Variants in LTBP1 observed in about 807,000 individuals in gnomAD.
LTBP1 encodes the protein latent transforming growth factor beta binding protein 1, also known as latent-transforming growth factor beta-binding protein 1.
Under a neutral mutation model 207.6 loss-of-function variants are expected in LTBP1, and 129 were observed. The ratio of observed to expected loss-of-function variants is 0.62; its 90% CI spans 0.54 to 0.72. LTBP1 has a LOEUF of 0.72. Ranked by LOEUF, LTBP1 falls within the 30% of genes least tolerant of loss-of-function variation. The probability of loss-of-function intolerance (pLI) is 0.00; values close to 1 mark genes in which losing one functional copy is unlikely to be tolerated. For missense variants in LTBP1, 2,281 were observed against 2,217.2 expected (o/e 1.03, Z -0.58); for synonymous variants, 963 against 833.7 (o/e 1.16, Z -2.67).
At chr2:33,082,432 CTTTTTTTTTTT>C (rs56058653) in intron 3 of LTBP1, among the ~76,000 whole-genome samples, 11 of 29,322 alleles carry the variant, frequency 3.8e-4, no homozygotes, top group South Asian at 1.1e-3. Context: ...GTATGACTCA[CTTTTTTTTTTT>C]TTTTTTTTTT....
intron 5 of LTBP1, among the ~76,000 whole-genome samples, chr2:33,183,445 C>T (rs1172927408): frequency 6.6e-6 from 1 of 152,110 alleles, no homozygotes. Flanking sequence ...GGTCATTGGT[C>T]GTGATACACA....
At chr2:33,251,700 A>G (rs747669309) in intron 10 of LTBP1, among the ~76,000 whole-genome samples, 2 of 149,634 alleles carry the variant, frequency 1.3e-5, no homozygotes, top group East Asian at 2.0e-4. Flanking sequence ...TGCTAGAGGA[A>G]TTGGGTAAGG....
rs2094329921 is a variant in LTBP1, at chr2:33,319,963, T to A, written c.3730+4694T>A. On this transcript the variant is annotated intron_variant, in intron 24 of 33. Transcript: ENST00000404816. The stretch of plus-strand genomic sequence containing the variant: ...TCGTTTGACAGATATTTATTAAGTG[T>A]CTACCTGTGTGCCATCCACTGTTCT... Among the ~76,000 whole-genome samples the A allele has an allele frequency of 2.0e-5, 3 of 152,204 alleles. No individual in the cohort carries two copies. The South Asian group carries it at 6.2e-4, about 32-fold the overall frequency.
intron 4 of LTBP1, among the ~76,000 whole-genome samples, chr2:33,123,147 GTTCCCTGA>G: frequency 6.6e-6 from 1 of 152,284 alleles, no homozygotes; most frequent in East Asian, 1.9e-4. Flanking sequence ...AGTTCCATCA[GTTCCCTGA>G]GACCCCTGCA....
chr2:33,209,483 T>C (rs2090137005), intron 7 of LTBP1, among the ~76,000 whole-genome samples: 1 of 152,164 alleles, frequency 6.6e-6, no homozygotes, highest in Non-Finnish European at 1.5e-5. Flanking sequence ...TATTTACAAG[T>C]TGAATTATTG....
At chr2:33,088,272 C>T (rs846471) in intron 3 of LTBP1, among the ~76,000 whole-genome samples, 6 of 152,132 alleles carry the variant, frequency 3.9e-5, no homozygotes, top group South Asian at 2.1e-4. Context: ...GCCAACATGG[C>T]GAAACCCCAT....
intron 5 of LTBP1, among the ~76,000 whole-genome samples, chr2:33,142,097 G>C (rs1445992789): frequency 1.3e-5 from 2 of 152,086 alleles, no homozygotes; most frequent in Non-Finnish European, 2.9e-5. Flanking sequence ...TGTCTCCCAG[G>C]CTGGAGTGCA....
At chr2:32,993,491 G>C (rs989749483) in intron 2 of LTBP1, among the ~76,000 whole-genome samples, 24 of 152,252 alleles carry the variant, frequency 1.6e-4, no homozygotes, top group African/African-American at 5.3e-4. Flanking sequence ...AGTTTCCTCA[G>C]AAAGACCCTC....
At chr2:33,082,291 A>G (rs1313969251) in intron 3 of LTBP1, among the ~76,000 whole-genome samples, 2 of 152,110 alleles carry the variant, frequency 1.3e-5, no homozygotes, top group Non-Finnish European at 2.9e-5. Flanking sequence ...CAGCCTCCAG[A>G]ACTGTGAGCC....
chr2:33,368,075 C>T (rs1019279579), intron 31 of LTBP1, among the ~76,000 whole-genome samples: 7 of 152,124 alleles, frequency 4.6e-5, no homozygotes, highest in South Asian at 4.2e-4. Flanking sequence ...GGCCTGGTGG[C>T]GCATGCCTGT....
chr2:33,322,303 A>G (rs1006291567), intron 24 of LTBP1, among the ~76,000 whole-genome samples: 2 of 152,194 alleles, frequency 1.3e-5, no homozygotes, highest in Non-Finnish European at 2.9e-5. Flanking sequence ...GTATGCTGAC[A>G]TCCACTCATG....
chr2:33,164,056 A>T (rs966394822), intron 5 of LTBP1, among the ~76,000 whole-genome samples: 1 of 152,076 alleles, frequency 6.6e-6, no homozygotes, highest in African/African-American at 2.4e-5. Flanking sequence ...GTTCATTAAG[A>T]TTAAGAATAA....
chr2:33,128,807 CT>C (rs1399225568), intron 4 of LTBP1, among the ~76,000 whole-genome samples: 1 of 152,186 alleles, frequency 6.6e-6, no homozygotes, highest in Non-Finnish European at 1.5e-5. Flanking sequence ...CTCCCCCTTT[CT>C]TTTTTCCTCC....
At chr2:33,265,443 A>G (rs2093149081) in intron 15 of LTBP1, among the ~76,000 whole-genome samples, 1 of 152,230 alleles carries the variant, frequency 6.6e-6, no homozygotes, top group Non-Finnish European at 1.5e-5. Context: ...ATAAATAGAA[A>G]TAACTGTACA....
intron 2 of LTBP1, among the ~76,000 whole-genome samples, chr2:33,018,086 A>G (rs922843397): frequency 3.3e-5 from 5 of 152,174 alleles, no homozygotes; most frequent in South Asian, 2.1e-4. Flanking sequence ...TATTATATAC[A>G]TAGCTGTAAT....
intron 26 of LTBP1, among the ~76,000 whole-genome samples, chr2:33,356,263 C>G (rs1046216338): frequency 1.3e-5 from 2 of 152,202 alleles, no homozygotes; most frequent in African/African-American, 2.4e-5. Context: ...GGGTCAGCAT[C>G]TGGTTGTCAG....
chr2:33,281,951 G>A (rs1419401169), intron 19 of LTBP1, among the ~76,000 whole-genome samples: 1 of 151,868 alleles, frequency 6.6e-6, no homozygotes, highest in Non-Finnish European at 1.5e-5. Flanking sequence ...TAATAGTAGT[G>A]TAAACGCAGC....
chr2:33,064,707 G>C (rs1301316745), intron 3 of LTBP1, among the ~76,000 whole-genome samples: 3 of 152,156 alleles, frequency 2.0e-5, no homozygotes, highest in Non-Finnish European at 4.4e-5. Context: ...GATACTATCT[G>C]TTTTCCAAGA....
At chr2:33,260,916 A>G (rs2092992248) in intron 13 of LTBP1, among the ~76,000 whole-genome samples, 1 of 152,230 alleles carries the variant, frequency 6.6e-6, no homozygotes, top group Non-Finnish European at 1.5e-5. Flanking sequence ...ATTTTCTTGT[A>G]TACTTTTACT....
Sources: gnomAD v4.1 joint callset for allele counts (sites outside exome capture counted in the v4.1 genomes callset) on GRCh38, gnomAD v4.1.1 for gene constraint, MANE v1.5 for transcripts, NCBI Gene and HGNC (gene_info 2026-07-23, HGNC 2026-07-21) for gene names.